SUSD1: variants seen among roughly 807,000 people sequenced by gnomAD.
SUSD1 encodes sushi domain-containing protein 1.
SUSD1 carries 65 observed loss-of-function variants against 86.9 expected under a neutral mutation model. The ratio of observed to expected loss-of-function variants is 0.75; its 90% CI spans 0.61 to 0.92. SUSD1 has a LOEUF of 0.92. Among genes scored for constraint, SUSD1 ranks in the 40% least tolerant of loss-of-function variants. The pLI is 0.00. For synonymous variants in SUSD1, 346 were observed against 350.0 expected (o/e 0.99, Z 0.13); for missense variants, 850 against 929.7 (o/e 0.91, Z 1.11).
At chr9:112,102,990 A>T (rs1278575313) in intron 8 of SUSD1, 3 of 330,786 alleles carry the variant, frequency 9.1e-6, no homozygotes, top group Non-Finnish European at 1.8e-5. Context: ...TTACTAATGA[A>T]TTAAAGAAAT....
intron 1 of SUSD1, among the ~76,000 whole-genome samples, chr9:112,170,852 A>T (rs574200736): frequency 1.3e-5 from 2 of 151,516 alleles, no homozygotes; most frequent in Non-Finnish European, 2.9e-5. Context: ...TAGGATTACA[A>T]GCGCCCACCA....
At chr9:112,047,760 C>A (rs182537424) in intron 15 of SUSD1, among the ~76,000 whole-genome samples, 274 of 152,270 alleles carry the variant, frequency 1.8e-3, no homozygotes, top group Middle Eastern at 3.4e-3. Context: ...CCTGTGTCAT[C>A]ACATGATCTC....
chr9:112,173,678 A>G, intron 1 of SUSD1: 1 of 443,138 alleles, frequency 2.3e-6, no homozygotes, highest in South Asian at 1.8e-5. Context: ...CACGTTTCCC[A>G]AGCTTGAGGT....
intron 2 of SUSD1, 146 bp downstream of exon 2, chr9:112,157,354 G>C (rs539891414): frequency 1.7e-6 from 1 of 599,968 alleles, no homozygotes; most frequent in East Asian, 2.9e-5. Context: ...CTAAAACAAA[G>C]ACTTATTATA....
chr9:112,100,215 C>A (rs1422374341), intron 9 of SUSD1, among the ~76,000 whole-genome samples: 2 of 152,172 alleles, frequency 1.3e-5, no homozygotes, highest in Non-Finnish European at 2.9e-5. Flanking sequence ...TAGACGGAGT[C>A]TTGCTCTGTC....
chr9:112,103,017 T>G (rs1830692752), intron 8 of SUSD1: 14 of 353,850 alleles, frequency 4.0e-5, no homozygotes, highest in South Asian at 3.1e-4. Context: ...GAGTCAGGAA[T>G]AATATCAGTG....
At chr9:112,134,483 C>T (rs1057221622) in intron 5 of SUSD1, among the ~76,000 whole-genome samples, 2 of 152,210 alleles carry the variant, frequency 1.3e-5, no homozygotes, top group Middle Eastern at 3.4e-3. Flanking sequence ...ATTCTAATAT[C>T]CTAAGCATAT....
intron 5 of SUSD1, among the ~76,000 whole-genome samples, chr9:112,130,743 G>C (rs1320719495): frequency 2.0e-5 from 3 of 151,750 alleles, no homozygotes; most frequent in Non-Finnish European, 4.4e-5. Flanking sequence ...CTACAAAGTA[G>C]CCAGGCAAGG....
At chr9:112,098,302 G>C (rs1279920451) in intron 10 of SUSD1, among the ~76,000 whole-genome samples, 168 bp downstream of exon 10, 2 of 152,120 alleles carry the variant, frequency 1.3e-5, no homozygotes, top group East Asian at 3.9e-4. Context: ...AAGGGGATAA[G>C]TGGTAAGATT....
chr9:112,132,907 A>ACTTTGGG (rs1456773286), intron 5 of SUSD1, among the ~76,000 whole-genome samples: 1 of 152,208 alleles, frequency 6.6e-6, no homozygotes, highest in Non-Finnish European at 1.5e-5. Context: ...GCACTAAATT[A>ACTTTGGG]CACATATCAC....
At chr9:112,054,953 A>C (rs1828383597) in intron 14 of SUSD1, among the ~76,000 whole-genome samples, 1 of 152,242 alleles carries the variant, frequency 6.6e-6, no homozygotes, top group Non-Finnish European at 1.5e-5. Context: ...TTACAGTAAT[A>C]TCCAGAATGT....
At chr9:112,174,977 C>T (rs1387147427) in intron 1 of SUSD1, among the ~76,000 whole-genome samples, 156 bp downstream of exon 1, 6 of 151,542 alleles carry the variant, frequency 4.0e-5, no homozygotes, top group Non-Finnish European at 2.9e-5. Flanking sequence ...TCCTCCTTGC[C>T]GATCTCCAAC....
chr9:112,167,897 T>C (rs151307123), intron 1 of SUSD1, among the ~76,000 whole-genome samples: 1 of 152,268 alleles, frequency 6.6e-6, no homozygotes, highest in East Asian at 1.9e-4. Flanking sequence ...AGGCATGTGT[T>C]ACACAGCAGC....
At chr9:112,172,368 T>C (rs1244129913) in intron 1 of SUSD1, among the ~76,000 whole-genome samples, 1 of 152,136 alleles carries the variant, frequency 6.6e-6, no homozygotes, top group Admixed American at 6.6e-5. Context: ...TCCCATCTCC[T>C]AGTTTCCTTG....
At chr9:112,049,240 C>T (rs1268061785) in intron 15 of SUSD1, among the ~76,000 whole-genome samples, 1 of 152,124 alleles carries the variant, frequency 6.6e-6, no homozygotes, top group South Asian at 2.1e-4. Context: ...GGAGTAGTCC[C>T]GAATAACTCA....
chr9:112,151,640 G>A (rs1428811991), intron 2 of SUSD1, among the ~76,000 whole-genome samples: 2 of 149,844 alleles, frequency 1.3e-5, no homozygotes, highest in South Asian at 2.1e-4. Context: ...AGTGGCTCAC[G>A]TCTGTAATCC....
rs997586077 is a variant in SUSD1 at position 112,124,290 on chromosome 9, C to T, written c.853G>A (p.Gly285Ser). ...GKITSVCTEKGTWRESTLTCT... is the reference protein window; with the variant it reads ...GKITSVCTEKSTWRESTLTCT... ...GTTAAAGTACTTTCTCTCCAGGTGC[C>T]TTTCTCTGTGCAAACAGAAGTGATC... Residue 285 changes from glycine to serine, a missense_variant, in exon 6 of 17, where the codon GGC becomes AGC. Coordinates refer to ENST00000374270, the MANE Select transcript of SUSD1 (RefSeq NM_022486.5). 1 of 1,613,872 alleles carries T rather than the reference C, an allele frequency of 6.2e-7. No homozygotes were observed. The highest frequency in any genetic ancestry group is 8.5e-7 in the Non-Finnish European group (1 of 1,179,922).
intron 1 of SUSD1, among the ~76,000 whole-genome samples, chr9:112,165,338 C>T (rs1028483945): frequency 2.7e-5 from 4 of 149,098 alleles, no homozygotes; most frequent in Non-Finnish European, 4.5e-5. Flanking sequence ...TTAAAATATA[C>T]AATTAAATTA....
chr9:112,152,443 C>T (rs1833095129), intron 2 of SUSD1, among the ~76,000 whole-genome samples: 1 of 151,254 alleles, frequency 6.6e-6, no homozygotes, highest in Admixed American at 6.6e-5. Flanking sequence ...GCTCTGTCAC[C>T]CTGACTGGAG....
Sources: gnomAD v4.1 joint callset for allele counts (sites outside exome capture counted in the v4.1 genomes callset) on GRCh38, gnomAD v4.1.1 for gene constraint, MANE v1.5 for transcripts, NCBI Gene and HGNC (gene_info 2026-07-23, HGNC 2026-07-21) for gene names.